IMMP1L: variants seen among roughly 807,000 people sequenced by gnomAD.
IMMP1L encodes inner mitochondrial membrane peptidase subunit 1.
A neutral mutation model predicts 21.8 loss-of-function variants in IMMP1L; 24 were observed. That is an observed-to-expected ratio of 1.10 (90% CI 0.80 to 1.55). The LOEUF (loss-of-function observed/expected upper bound fraction) is 1.55, where lower values mean the gene tolerates loss of function less well. Among genes scored for constraint, IMMP1L ranks in the 40% most tolerant of loss-of-function variants. The pLI is 0.00. For synonymous variants in IMMP1L, 46 were observed against 62.8 expected, an observed-to-expected ratio of 0.73 and a Z score of 1.26; for missense variants, 195 against 200.7, an observed-to-expected ratio of 0.97 and a Z score of 0.17.
chr11:31,451,733 G>T (rs909511215), intron 4 of IMMP1L, among the ~76,000 whole-genome samples: 11 of 152,198 alleles, frequency 7.2e-5, no homozygotes, highest in African/African-American at 2.7e-4. Context: ...ATATAAATTT[G>T]AGAGTAAGTT....
intron 1 of IMMP1L, among the ~76,000 whole-genome samples, chr11:31,475,746 T>A (rs1001246395): frequency 6.6e-6 from 1 of 152,198 alleles, no homozygotes; most frequent in Non-Finnish European, 1.5e-5. Flanking sequence ...ATAACCTGTA[T>A]TTTTATGAAA....
At chr11:31,483,758 CTTAAT>C (rs1489867889) in intron 1 of IMMP1L, among the ~76,000 whole-genome samples, 1 of 151,984 alleles carries the variant, frequency 6.6e-6, no homozygotes, top group East Asian at 1.9e-4. Context: ...ATGTGTATTA[CTTAAT>C]TTAATAGCAT....
At chr11:31,451,288 C>T (rs537904812) in intron 4 of IMMP1L, among the ~76,000 whole-genome samples, 11 of 151,976 alleles carry the variant, frequency 7.2e-5, no homozygotes, top group South Asian at 2.1e-4. Flanking sequence ...ACCTTAGCTG[C>T]GGTGTGGAGA....
intron 2 of IMMP1L, among the ~76,000 whole-genome samples, chr11:31,461,188 T>C (rs1189674893): frequency 2.6e-5 from 4 of 152,254 alleles, no homozygotes; most frequent in Non-Finnish European, 5.9e-5. Flanking sequence ...TATACTATTC[T>C]CAGTGAGCTT....
intron 1 of IMMP1L, chr11:31,477,265 T>C (rs140954596): frequency 6.6e-6 from 1 of 152,314 alleles, no homozygotes; most frequent in Admixed American, 6.5e-5. Flanking sequence ...CAAAAGAATA[T>C]AAAAGTATTT....
At chr11:31,469,355 TA>T (rs778679880) in intron 1 of IMMP1L, among the ~76,000 whole-genome samples, 4 of 151,606 alleles carry the variant, frequency 2.6e-5, no homozygotes, top group Non-Finnish European at 2.9e-5. Flanking sequence ...TGATTAACAT[TA>T]AAAAAAACAG....
At chr11:31,445,876 G>A (rs978264169) in intron 4 of IMMP1L, among the ~76,000 whole-genome samples, 5 of 152,074 alleles carry the variant, frequency 3.3e-5, no homozygotes, top group African/African-American at 4.8e-5. Flanking sequence ...AGGGCTGAGC[G>A]CATCAAAACA....
intron 1 of IMMP1L, among the ~76,000 whole-genome samples, chr11:31,491,355 A>C (rs534098227): frequency 1.3e-5 from 2 of 152,336 alleles, no homozygotes; most frequent in African/African-American, 4.8e-5. Context: ...CAGAAATAGG[A>C]ACATTAAAAA....
At position 31,456,256 on chromosome 11, in the gene IMMP1L, T is replaced by A. The variant is rs776131287; in HGVS notation, c.321+4A>T. The A allele has an allele frequency of 6.3e-7, 1 of 1,581,684 alleles. No individual in the cohort carries two copies. Among genetic ancestry groups the A allele is most frequent in the Non-Finnish European group, 8.6e-7 (1 of 1,158,694 alleles). On this transcript the variant is annotated splice_donor_region_variant and intron_variant, in intron 4 of 5. Coordinates refer to ENST00000532287, the MANE Select transcript of IMMP1L (RefSeq NM_001304274.2). ...AAAAATAACATAATTGAAATGTTACTTACATAACTATGGCTTTTAAAGAAA... is the reference window on the plus strand; with the variant it reads ...AAAAATAACATAATTGAAATGTTACATACATAACTATGGCTTTTAAAGAAA...
chr11:31,472,532 G>GA (rs1440607733), intron 1 of IMMP1L, among the ~76,000 whole-genome samples: 1 of 152,164 alleles, frequency 6.6e-6, no homozygotes, highest in East Asian at 1.9e-4. Context: ...TGTGTGCTGT[G>GA]AAAAAAATCT....
At chr11:31,464,511 CA>C (rs1294393758) in intron 1 of IMMP1L, among the ~76,000 whole-genome samples, 6 of 152,058 alleles carry the variant, frequency 3.9e-5, no homozygotes, top group African/African-American at 1.2e-4. Context: ...CCAAAATCCC[CA>C]ATGAGCTCAG....
intron 1 of IMMP1L, among the ~76,000 whole-genome samples, chr11:31,490,333 A>T (rs1370550616): frequency 1.3e-5 from 2 of 151,980 alleles, no homozygotes; most frequent in East Asian, 3.9e-4. Flanking sequence ...TTAGCCGGGC[A>T]TCGTGGCGCG....
At chr11:31,473,712 A>T in intron 1 of IMMP1L, 1 of 975,272 alleles carries the variant, frequency 1.0e-6, no homozygotes. Flanking sequence ...CCAATGACTG[A>T]AGTAGACTTA....
In IMMP1L at chr11:31,453,020, G is replaced by A. The variant is rs942081848; in HGVS notation, c.321+3240C>T. ...GCCTGCCTTGGCCTCTCAAAGTGCT[G>A]GGATTACAGGCGTGAGCCACCGCGG... On this transcript the variant is annotated intron_variant, in intron 4 of 5. Coordinates refer to ENST00000532287, the MANE Select transcript of IMMP1L (RefSeq NM_001304274.2). 75 of 1,239,282 alleles carry A rather than the reference G, an allele frequency of 6.1e-5. 1 individual carries two copies. The highest frequency in any genetic ancestry group is 7.4e-5 in the Non-Finnish European group (70 of 945,302). 76.8% of individuals were successfully genotyped at this position (1,239,282 alleles called of 1,614,324 possible). A position where few individuals can be genotyped will look rare whatever the true frequency, so the allele number is the denominator to read the frequency against.
In IMMP1L at chr11:31,432,483, A is replaced by C; in HGVS notation, c.*17T>G. Reference sequence around the variant, plus strand: ...ATGAAAAGGAGACAATAATCAAGTCAAAAGAATAAATGCTTACTAATCATC... The same window carrying C: ...ATGAAAAGGAGACAATAATCAAGTCCAAAGAATAAATGCTTACTAATCATC... On this transcript the variant is annotated 3_prime_UTR_variant, in exon 6 of 6. Transcript: ENST00000532287. 1 of 1,586,992 alleles carries C rather than the reference A, an allele frequency of 6.3e-7. No individual in the cohort carries two copies.
At chr11:31,464,225 A>G (rs1591985588) in intron 1 of IMMP1L, among the ~76,000 whole-genome samples, 1 of 151,274 alleles carries the variant, frequency 6.6e-6, no homozygotes. Flanking sequence ...TATAGACAAG[A>G]AAAAAAAAGC....
At chr11:31,475,149 C>A (rs1159083227) in intron 1 of IMMP1L, among the ~76,000 whole-genome samples, 1 of 152,100 alleles carries the variant, frequency 6.6e-6, no homozygotes, top group Non-Finnish European at 1.5e-5. Flanking sequence ...TTTCATTAGT[C>A]CACTGGTATT....
At chr11:31,473,788 T>C (rs1954643519) in intron 1 of IMMP1L, 3 of 984,484 alleles carry the variant, frequency 3.0e-6, no homozygotes, top group Non-Finnish European at 3.6e-6. Context: ...CTGAAATTCC[T>C]TTGAAAAGAG....
At position 31,497,730 on chromosome 11, in the gene IMMP1L, G is replaced by GT. The variant is rs576404072; in HGVS notation, c.-30+11788dup. On this transcript the variant is annotated intron_variant, in intron 1 of 5. Transcript: ENST00000532287. Reference sequence around the variant, plus strand: ...CTGCCAAAGTGTTGGGATTACAGGCGTGAGCCACTGCACCCGGCGGGGTAC... The same window carrying GT: ...CTGCCAAAGTGTTGGGATTACAGGCGTTGAGCCACTGCACCCGGCGGGGTAC... Among the ~76,000 whole-genome samples, 37 of 152,260 alleles carry GT rather than the reference G, an allele frequency of 2.4e-4. No homozygotes were observed. In the East Asian group the frequency reaches 6.8e-3, roughly 28 times the overall value.
Sources: gnomAD v4.1 joint callset for allele counts (sites outside exome capture counted in the v4.1 genomes callset) on GRCh38, gnomAD v4.1.1 for gene constraint, MANE v1.5 for transcripts, NCBI Gene and HGNC (gene_info 2026-07-23, HGNC 2026-07-21) for gene names.